Variants in PHACTR4 observed in about 807,000 individuals in gnomAD.
The protein encoded by PHACTR4 is protein phosphatase 1, regulatory subunit 124.
A neutral mutation model predicts 72.7 loss-of-function variants in PHACTR4; 51 were observed. That is an observed-to-expected ratio of 0.70 (90% CI 0.56 to 0.89). The LOEUF (loss-of-function observed/expected upper bound fraction) is 0.89. Among genes scored for constraint, PHACTR4 ranks in the 40% least tolerant of loss-of-function variants. The probability of loss-of-function intolerance (pLI) is 0.00; values close to 1 mark genes in which losing one functional copy is unlikely to be tolerated. For synonymous variants in PHACTR4, 255 were observed against 302.5 expected (o/e 0.84, Z 1.63); for missense variants, 731 against 861.8 (o/e 0.85, Z 1.90).
chr1:28,476,840 G>A (rs1364541007), intron 8 of PHACTR4, among the ~76,000 whole-genome samples: 2 of 139,068 alleles, frequency 1.4e-5, no homozygotes, highest in South Asian at 2.2e-4. Flanking sequence ...GTGCGATCTC[G>A]GCTCAGTTTA....
intron 8 of PHACTR4, among the ~76,000 whole-genome samples, chr1:28,478,123 T>G (rs1324877064): frequency 6.6e-6 from 1 of 152,186 alleles, no homozygotes; most frequent in Non-Finnish European, 1.5e-5. Context: ...CTTTTTTAGC[T>G]CCCACGTAAG....
intron 2 of PHACTR4, among the ~76,000 whole-genome samples, chr1:28,429,859 T>C (rs1046322895): frequency 6.6e-6 from 1 of 152,100 alleles, no homozygotes; most frequent in Non-Finnish European, 1.5e-5. Flanking sequence ...TATTGGTAGG[T>C]GTAAGTGTGT....
intron 9 of PHACTR4, among the ~76,000 whole-genome samples, chr1:28,486,440 A>C (rs1004518133): frequency 4.6e-5 from 7 of 152,242 alleles, no homozygotes; most frequent in African/African-American, 1.7e-4. Context: ...ATATATGGCA[A>C]AAGTGGCCAA....
At chr1:28,382,901 C>A (rs1428525238) in intron 1 of PHACTR4, among the ~76,000 whole-genome samples, 2 of 152,116 alleles carry the variant, frequency 1.3e-5, no homozygotes, top group Non-Finnish European at 2.9e-5. Context: ...TCAAGTGATT[C>A]TCCTGACTCA....
chr1:28,444,234 T>G (rs1364136533), intron 2 of PHACTR4, among the ~76,000 whole-genome samples: 170 of 116,874 alleles, frequency 1.5e-3, no homozygotes, highest in African/African-American at 5.4e-3. Flanking sequence ...TTTTTTTTTT[T>G]TTTTTTTTTT....
intron 9 of PHACTR4, among the ~76,000 whole-genome samples, chr1:28,482,014 C>T (rs1298803910): frequency 6.6e-6 from 1 of 152,072 alleles, no homozygotes; most frequent in Non-Finnish European, 1.5e-5. Context: ...TCTCCTGCCT[C>T]AGCCTCCTGA....
At chr1:28,389,407 AGT>A (rs1652820820) in intron 1 of PHACTR4, among the ~76,000 whole-genome samples, 1 of 152,010 alleles carries the variant, frequency 6.6e-6, no homozygotes, top group Non-Finnish European at 1.5e-5. Context: ...AAAAATAACA[AGT>A]GTTGGCAAGG....
At chr1:28,429,457 C>T (rs1656089108) in intron 2 of PHACTR4, among the ~76,000 whole-genome samples, 1 of 152,082 alleles carries the variant, frequency 6.6e-6, no homozygotes, top group South Asian at 2.1e-4. Flanking sequence ...TTTCTGGCCT[C>T]CGTGAGAAAA....
intron 3 of PHACTR4, among the ~76,000 whole-genome samples, chr1:28,459,591 GGGGTCTCCT>G (rs1286822667): frequency 6.6e-6 from 1 of 151,552 alleles, no homozygotes; most frequent in Non-Finnish European, 1.5e-5. Context: ...TTGTAGAGAT[GGGGTCTCCT>G]TATGTTTCCC....
At chr1:28,375,325 A>AC (rs1291909746) in intron 1 of PHACTR4, among the ~76,000 whole-genome samples, 10 of 26,958 alleles carry the variant, frequency 3.7e-4, no homozygotes, top group Admixed American at 8.0e-4. Context: ...GCCCCCACCC[A>AC]CCCCCCCAAA....
chr1:28,411,907 AAGAAAGAAAG>A (rs750051517), intron 2 of PHACTR4, among the ~76,000 whole-genome samples: 19 of 152,280 alleles, frequency 1.2e-4, no homozygotes, highest in Non-Finnish European at 1.9e-4. Flanking sequence ...GAACAAAAGA[AAGAAAGAAAG>A]AGAAAGAAAG....
intron 2 of PHACTR4, among the ~76,000 whole-genome samples, chr1:28,456,916 C>CAGATAGATAGAT (rs67017920): frequency 8.5e-4 from 129 of 150,884 alleles, no homozygotes; most frequent in African/African-American, 3.1e-3. Flanking sequence ...GATAGAGAGA[C>CAGATAGATAGAT]AGATAGATAG....
intron 2 of PHACTR4, among the ~76,000 whole-genome samples, chr1:28,457,120 G>T (rs1159787693): frequency 6.6e-6 from 1 of 152,070 alleles, no homozygotes; most frequent in African/African-American, 2.4e-5. Flanking sequence ...GCAAACTAAT[G>T]CATCAGTAGT....
intron 1 of PHACTR4, among the ~76,000 whole-genome samples, 171 bp downstream of exon 1, chr1:28,369,996 C>A (rs746279255): frequency 6.6e-5 from 10 of 152,156 alleles, no homozygotes; most frequent in Non-Finnish European, 1.5e-4. Context: ...GCCGCCGCCT[C>A]CCTCCTCGGC....
intron 2 of PHACTR4, among the ~76,000 whole-genome samples, chr1:28,411,942 G>A (rs547719496): frequency 6.6e-6 from 1 of 152,190 alleles, no homozygotes; most frequent in Admixed American, 6.5e-5. Flanking sequence ...AATTATTTGT[G>A]GTATTCTGGA....
At chr1:28,484,528 G>A (rs1202576972) in intron 9 of PHACTR4, among the ~76,000 whole-genome samples, 1 of 151,334 alleles carries the variant, frequency 6.6e-6, no homozygotes, top group Non-Finnish European at 1.5e-5. Context: ...GTGTATATAT[G>A]TGTGTATGTG....
At chr1:28,476,367 A>G (rs952905342) in intron 8 of PHACTR4, 76 bp downstream of exon 8, 21 of 1,402,140 alleles carry the variant, frequency 1.5e-5, no homozygotes, top group Non-Finnish European at 1.9e-5. Flanking sequence ...GCAAGTGTCA[A>G]AAGAGATATG....
intron 9 of PHACTR4, among the ~76,000 whole-genome samples, chr1:28,483,798 C>T (rs1485924359): frequency 1.4e-5 from 1 of 71,010 alleles, no homozygotes; most frequent in Non-Finnish European, 3.0e-5. Flanking sequence ...GACTCCGTCT[C>T]AAAAAAAAAA....
chr1:28,411,706 C>CACGG, intron 2 of PHACTR4, among the ~76,000 whole-genome samples: 1 of 152,058 alleles, frequency 6.6e-6, no homozygotes, highest in East Asian at 1.9e-4. Flanking sequence ...GTACAGTGTA[C>CACGG]ACGGCTTGGA....
Sources: gnomAD v4.1 joint callset for allele counts (sites outside exome capture counted in the v4.1 genomes callset) on GRCh38, gnomAD v4.1.1 for gene constraint, MANE v1.5 for transcripts, NCBI Gene and HGNC (gene_info 2026-07-23, HGNC 2026-07-21) for gene names.